GHR: variants seen among roughly 807,000 people sequenced by gnomAD.
The protein encoded by GHR is growth hormone receptor, also known as GH receptor.
Under a neutral mutation model 67.1 loss-of-function variants are expected in GHR, and 35 were observed. The ratio of observed to expected loss-of-function variants is 0.52; its 90% CI spans 0.40 to 0.69. The LOEUF (loss-of-function observed/expected upper bound fraction) is 0.69, where lower values mean the gene tolerates loss of function less well. GHR is among the 30% of genes least tolerant of loss of function. GHR has a pLI of 0.00. For missense variants in GHR, 792 were observed against 764.6 expected (o/e 1.04, Z -0.42); for synonymous variants, 272 against 269.1 (o/e 1.01, Z -0.10).
intron 1 of GHR, among the ~76,000 whole-genome samples, chr5:42,543,244 C>T (rs1478857219): frequency 2.6e-5 from 4 of 152,126 alleles, no homozygotes; most frequent in Non-Finnish European, 5.9e-5. Context: ...TAATTGACAT[C>T]ACTACCAGCA....
At chr5:42,516,799 T>G (rs1328556266) in intron 1 of GHR, among the ~76,000 whole-genome samples, 1 of 152,238 alleles carries the variant, frequency 6.6e-6, no homozygotes. Flanking sequence ...ATGTGACTTA[T>G]GTCCTGGCCA....
chr5:42,516,374 G>A (rs1243052862), intron 1 of GHR, among the ~76,000 whole-genome samples: 1 of 152,156 alleles, frequency 6.6e-6, no homozygotes. Flanking sequence ...TCACATTAGA[G>A]GCAATATGGC....
chr5:42,595,217 G>A (rs571924944), intron 2 of GHR, among the ~76,000 whole-genome samples: 2 of 152,280 alleles, frequency 1.3e-5, no homozygotes, highest in East Asian at 3.9e-4. Flanking sequence ...TTTATAAGAA[G>A]CAGCCCTATG....
At chr5:42,558,489 C>T (rs1323209613) in intron 1 of GHR, among the ~76,000 whole-genome samples, 1 of 152,204 alleles carries the variant, frequency 6.6e-6, no homozygotes, top group Non-Finnish European at 1.5e-5. Flanking sequence ...AAATTTTCAA[C>T]TATAGTCATG....
At chr5:42,566,625 A>G (rs1486543903) in intron 2 of GHR, among the ~76,000 whole-genome samples, 1 of 152,110 alleles carries the variant, frequency 6.6e-6, no homozygotes, top group South Asian at 2.1e-4. Context: ...AGGGAAGAGG[A>G]ACTTTTCTGT....
intron 3 of GHR, among the ~76,000 whole-genome samples, chr5:42,648,712 A>AGTG (rs199624411): frequency 6.6e-6 from 1 of 151,010 alleles, no homozygotes; most frequent in Non-Finnish European, 1.5e-5. Context: ...TAGTAGTAGT[A>AGTG]GTGGTGGTGG....
At chr5:42,471,222 A>C (rs1344271159) in intron 1 of GHR, among the ~76,000 whole-genome samples, 1 of 152,190 alleles carries the variant, frequency 6.6e-6, no homozygotes, top group Non-Finnish European at 1.5e-5. Context: ...GCAATAGGTC[A>C]ACTGGCTTTC....
chr5:42,560,839 T>C (rs771215195), intron 1 of GHR, among the ~76,000 whole-genome samples: 2 of 152,250 alleles, frequency 1.3e-5, no homozygotes, highest in Non-Finnish European at 2.9e-5. Context: ...GACATGTCTC[T>C]ATCATCTCTC....
chr5:42,637,447 C>G (rs545580712), intron 3 of GHR, among the ~76,000 whole-genome samples: 1 of 152,236 alleles, frequency 6.6e-6, no homozygotes, highest in African/African-American at 2.4e-5. Flanking sequence ...ACTCACACCC[C>G]GCTCCCAATC....
At chr5:42,442,305 T>G (rs570706565) in intron 1 of GHR, among the ~76,000 whole-genome samples, 2 of 152,238 alleles carry the variant, frequency 1.3e-5, no homozygotes, top group Non-Finnish European at 2.9e-5. Context: ...CTGATGATCA[T>G]GAATTCATGG....
chr5:42,467,743 C>T (rs1744799919), intron 1 of GHR: 1 of 1,554,812 alleles, frequency 6.4e-7, no homozygotes, highest in Non-Finnish European at 8.9e-7. Context: ...GGTGTGGATT[C>T]TCTGATGCAC....
intron 3 of GHR, among the ~76,000 whole-genome samples, chr5:42,650,408 A>G (rs1034712847): frequency 2.0e-5 from 3 of 152,046 alleles, no homozygotes; most frequent in Non-Finnish European, 4.4e-5. Context: ...ATTAAATTAA[A>G]TTAGATTGGC....
rs1758804793 is a variant in GHR at position 42,718,041 on chromosome 5, A to T, written c.876-11A>T. 6.6e-7 allele frequency: 1 copy of T among 1,513,664 alleles called. No homozygotes were observed. Among genetic ancestry groups the T allele is most frequent in the African/African-American group, 1.4e-5 (1 of 72,956 alleles). 93.8% of individuals were successfully genotyped at this position (1,513,664 alleles called of 1,614,324 possible). On this transcript the variant is annotated splice_polypyrimidine_tract_variant and intron_variant, in intron 8 of 9. Coordinates refer to ENST00000230882, the MANE Select transcript of GHR (RefSeq NM_000163.5). Reference sequence around the variant, plus strand: ...TAAGATGTCAAAACCAAAATTTTATATGTTTTCAAGGATTAAAATGCTGAT... The same window carrying T: ...TAAGATGTCAAAACCAAAATTTTATTTGTTTTCAAGGATTAAAATGCTGAT...
Position 42,718,091 on chromosome 5 carries a change from G to A in GHR, c.915G>A (p.Lys305=), listed in dbSNP as rs1758809679. The change falls in exon 9 of 10, where the codon AAG becomes AAA. Residue 305 remains lysine (K), a synonymous_variant. Transcript: ENST00000230882. The part of the protein sequence containing the change: ...MLILPPVPVP[K]IKGIDPDLLK... Reference sequence around the variant, plus strand: ...TTCTGCCCCCAGTTCCAGTTCCAAAGATTAAAGGAATCGATCCAGATCTCC... The same window carrying A: ...TTCTGCCCCCAGTTCCAGTTCCAAAAATTAAAGGAATCGATCCAGATCTCC... 6.3e-7 allele frequency: 1 copy of A among 1,580,230 alleles called. No homozygotes were observed. The highest frequency in any genetic ancestry group is 2.2e-5 in the East Asian group (1 of 44,562).
intron 1 of GHR, among the ~76,000 whole-genome samples, chr5:42,434,469 G>A (rs1743234508): frequency 6.6e-6 from 1 of 152,132 alleles, no homozygotes; most frequent in Admixed American, 6.5e-5. Flanking sequence ...TGAAATACTT[G>A]AGTCTCATAT....
chr5:42,525,118 TCCAGACC>T (rs1305232597), intron 1 of GHR, among the ~76,000 whole-genome samples: 1 of 152,138 alleles, frequency 6.6e-6, no homozygotes, highest in Non-Finnish European at 1.5e-5. Flanking sequence ...GCCACTGTCC[TCCAGACC>T]CCAGAATGGT....
At chr5:42,554,672 A>G (rs1579929351) in intron 1 of GHR, among the ~76,000 whole-genome samples, 1 of 152,094 alleles carries the variant, frequency 6.6e-6, no homozygotes, top group African/African-American at 2.4e-5. Context: ...TAGCTATTAA[A>G]CACTTGAAAT....
At chr5:42,670,109 A>G (rs566442589) in intron 3 of GHR, among the ~76,000 whole-genome samples, 1 of 152,196 alleles carries the variant, frequency 6.6e-6, no homozygotes, top group Admixed American at 6.5e-5. Context: ...TCACATTATC[A>G]GATTTCAAAA....
At chr5:42,718,417 C>A (rs756746947) in intron 9 of GHR, 36 bp from the exon 10 acceptor site, 4 of 1,483,960 alleles carry the variant, frequency 2.7e-6, no homozygotes, top group Admixed American at 3.4e-5. Flanking sequence ...TTATGAGTTT[C>A]TTTTCATAGA....
Sources: gnomAD v4.1 joint callset for allele counts (sites outside exome capture counted in the v4.1 genomes callset) on GRCh38, gnomAD v4.1.1 for gene constraint, MANE v1.5 for transcripts, NCBI Gene and HGNC (gene_info 2026-07-23, HGNC 2026-07-21) for gene names.